The following GUCA1C variants were observed in gnomAD, a reference collection of about 807,000 sequenced individuals.
GUCA1C encodes the protein guanylyl cyclase-activating protein 3.
In GUCA1C, 15 loss-of-function variants were observed where a neutral mutation model predicts 16.2. The observed-to-expected ratio is 0.93, with a 90% confidence interval of 0.62 to 1.43. The LOEUF is 1.43. Ranked by LOEUF, GUCA1C falls within the 40% of genes most tolerant of loss-of-function variation. The pLI is 0.00. For synonymous variants in GUCA1C, 78 were observed against 85.4 expected (o/e 0.91, Z 0.48); for missense variants, 275 against 244.8 (o/e 1.12, Z -0.82).
At chr3:108,954,705 T>C (rs1419685733), upstream of GUCA1C, among the ~76,000 whole-genome samples, 7 of 151,810 alleles carry the variant, frequency 4.6e-5, no homozygotes, top group Non-Finnish European at 1.0e-4. Context: ...AGGTAGAATA[T>C]AATTCTGTTA....
upstream of GUCA1C, among the ~76,000 whole-genome samples, chr3:108,954,353 G>T (rs1284085853): frequency 6.6e-6 from 1 of 152,140 alleles, no homozygotes; most frequent in African/African-American, 2.4e-5. Flanking sequence ...TAGGTAAAGA[G>T]AATTAAATAG....
rs1216050760 is a variant in GUCA1C at position 108,920,360 on chromosome 3, G to T, written c.354+76C>A. The T allele has an allele frequency of 4.6e-6, 5 of 1,082,316 alleles. No individual in the cohort carries two copies. In the East Asian group the frequency reaches 1.2e-4, roughly 26 times the overall value. The allele number at this position is 1,082,316 out of a possible 1,614,324, so 67.0% of individuals were successfully genotyped here. ...AAAATAGCCAACCCCATAGACAGCTGTTACCTACTCCATAGGAAGGGAAAT... is the reference window on the plus strand; with the variant it reads ...AAAATAGCCAACCCCATAGACAGCTTTTACCTACTCCATAGGAAGGGAAAT... On this transcript the variant is annotated intron_variant, in intron 2 of 3. Transcript: ENST00000261047.
At chr3:108,947,721 G>C (rs978755384) in intron 1 of GUCA1C, among the ~76,000 whole-genome samples, 6 of 152,004 alleles carry the variant, frequency 3.9e-5, no homozygotes, top group Non-Finnish European at 8.8e-5. Flanking sequence ...AACAAAAATG[G>C]CAAAATTTTT....
intron 2 of GUCA1C, among the ~76,000 whole-genome samples, chr3:108,917,035 G>A (rs1001255168): frequency 4.6e-5 from 7 of 152,114 alleles, no homozygotes; most frequent in African/African-American, 1.7e-4. Context: ...TGAGTTCCAG[G>A]AGTAATCATA....
intron 1 of GUCA1C, among the ~76,000 whole-genome samples, chr3:108,932,334 A>AC (rs1559845186): frequency 4.6e-5 from 5 of 109,236 alleles, no homozygotes; most frequent in African/African-American, 1.2e-4. Context: ...AAAAAAAAAA[A>AC]AAAAACAAAA....
At chr3:108,910,828 T>C (rs1012262659) in intron 3 of GUCA1C, among the ~76,000 whole-genome samples, 1 of 151,824 alleles carries the variant, frequency 6.6e-6, no homozygotes, top group Non-Finnish European at 1.5e-5. Context: ...TTTTTGTAAT[T>C]TTTGGTAGAG....
rs751443999 is a variant in GUCA1C, at chr3:108,908,029, A to G, written c.623T>C (p.Met208Thr). ...GGACAGGTATTCTCACAGCTACTTC[A>G]TTTTCACCTTCCCTAGACCAGCCTT... Reference protein sequence around the residue: ...PDKAGLGKVKMK With the variant: ...PDKAGLGKVKTK Residue 208 changes from methionine (M) to threonine (T), a missense_variant, in exon 4 of 4, where the codon ATG becomes ACG. By Grantham distance (81) the Met-to-Thr change is moderately conservative (BLOSUM62 -1). Transcript: ENST00000261047. 5 of 1,610,930 alleles carry G rather than the reference A, an allele frequency of 3.1e-6. No homozygotes were observed. In the Admixed American group the frequency reaches 8.4e-5, roughly 27 times the overall value.
chr3:108,951,587 A>C (rs1200217165), intron 1 of GUCA1C, among the ~76,000 whole-genome samples: 2 of 152,210 alleles, frequency 1.3e-5, no homozygotes, highest in Admixed American at 1.3e-4. Context: ...TCCTGTGCAT[A>C]ATTGCACATC....
Position 108,907,945 on chromosome 3 carries a change from A to T in GUCA1C, c.*77T>A, listed in dbSNP as rs1339900735. ...ATAACAAAGACCTGAAATCAACAGC[A>T]TGTACATGGGGAAGATTCTATTTCT... On this transcript the variant is annotated 3_prime_UTR_variant, in exon 4 of 4. Transcript: ENST00000261047. 5.9e-6 allele frequency: 6 copies of T among 1,022,100 alleles called. No homozygotes were observed. The highest frequency in any genetic ancestry group is 2.4e-5 in the Admixed American group (1 of 42,270). 63.3% of individuals were successfully genotyped at this position (1,022,100 alleles called of 1,614,324 possible). A position where few individuals can be genotyped will look rare whatever the true frequency, so the allele number is the denominator to read the frequency against.
intron 3 of GUCA1C, among the ~76,000 whole-genome samples, chr3:108,910,275 GA>G (rs1327154539): frequency 6.6e-6 from 1 of 152,140 alleles, no homozygotes; most frequent in African/African-American, 2.4e-5. Context: ...AAGGTGGGCG[GA>G]TCACGAGGTC....
In GUCA1C at chr3:108,916,188, T is replaced by C. The variant is rs756505288; in HGVS notation, c.381A>G (p.Gln127=). The C allele has an allele frequency of 1.9e-6, 3 of 1,613,794 alleles. No individual in the cohort carries two copies. Among genetic ancestry groups the C allele is most frequent in the Non-Finnish European group, 2.5e-6 (3 of 1,179,864 alleles). The change falls in exon 3 of 4, where the codon CAA becomes CAG. Residue 127 remains glutamine (Q), a synonymous_variant. Transcript: ENST00000261047. The stretch of plus-strand genomic sequence containing the variant: ...TGATGAATTCTTCAGGACTCAGAGT[T>C]TGCTGGCCATTGAGGGCTTGTACCG... ...FMAVQALNGQ[Q]TLSPEEFINL...
intron 1 of GUCA1C, among the ~76,000 whole-genome samples, chr3:108,920,867 T>A (rs1354167487): frequency 6.6e-6 from 1 of 152,162 alleles, no homozygotes; most frequent in Non-Finnish European, 1.5e-5. Flanking sequence ...TCCTGTATAC[T>A]CCCCGTCCCC....
intron 3 of GUCA1C, among the ~76,000 whole-genome samples, chr3:108,909,281 G>C (rs547643758): frequency 3.9e-5 from 6 of 152,164 alleles, no homozygotes; most frequent in Admixed American, 3.9e-4. Flanking sequence ...CCAAAGAAAG[G>C]TCTGTGAAAA....
chr3:108,933,177 T>C (rs1291925017), intron 1 of GUCA1C, among the ~76,000 whole-genome samples: 1 of 152,084 alleles, frequency 6.6e-6, no homozygotes, highest in Non-Finnish European at 1.5e-5. Flanking sequence ...TAATTCTACA[T>C]CACAAAATTG....
At chr3:108,914,278 C>A (rs916467811) in intron 3 of GUCA1C, among the ~76,000 whole-genome samples, 3 of 152,072 alleles carry the variant, frequency 2.0e-5, no homozygotes, top group Admixed American at 2.0e-4. Flanking sequence ...TCTTTTAACC[C>A]AGCCCTTTCT....
At chr3:108,929,919 T>C (rs1946651799) in intron 1 of GUCA1C, among the ~76,000 whole-genome samples, 1 of 152,222 alleles carries the variant, frequency 6.6e-6, no homozygotes, top group Non-Finnish European at 1.5e-5. Context: ...GAGGCTCTTT[T>C]CTATAAAGAT....
chr3:108,951,826 C>T (rs552974410), intron 1 of GUCA1C, among the ~76,000 whole-genome samples: 2 of 152,312 alleles, frequency 1.3e-5, no homozygotes, highest in African/African-American at 4.8e-5. Context: ...ACTGAGAGGG[C>T]TCTCACACCA....
chr3:108,917,845 G>C (rs1946533014), intron 2 of GUCA1C, among the ~76,000 whole-genome samples: 1 of 152,078 alleles, frequency 6.6e-6, no homozygotes, highest in Non-Finnish European at 1.5e-5. Context: ...GGAGTTCATA[G>C]ACCAGCCTGG....
At chr3:108,950,696 C>T (rs1392859083) in intron 1 of GUCA1C, among the ~76,000 whole-genome samples, 4 of 152,118 alleles carry the variant, frequency 2.6e-5, no homozygotes, top group Admixed American at 2.6e-4. Context: ...GCTTGCTTAG[C>T]TTGAATACAA....
Sources: gnomAD v4.1 joint callset for allele counts (sites outside exome capture counted in the v4.1 genomes callset) on GRCh38, gnomAD v4.1.1 for gene constraint, MANE v1.5 for transcripts, NCBI Gene and HGNC (gene_info 2026-07-23, HGNC 2026-07-21) for gene names.